Variants in CADM2 observed in about 807,000 individuals in gnomAD.
CADM2 encodes cell adhesion molecule 2, also known as immunoglobulin superfamily member 4D.
CADM2 carries 12 observed loss-of-function variants against 49.8 expected under a neutral mutation model. The ratio of observed to expected loss-of-function variants is 0.24; its 90% CI spans 0.15 to 0.39. The LOEUF (loss-of-function observed/expected upper bound fraction) is 0.39. Among genes scored for constraint, CADM2 ranks in the 10% least tolerant of loss-of-function variants. The pLI is 1.00. For missense variants in CADM2, 378 were observed against 492.3 expected (o/e 0.77, Z 2.20); for synonymous variants, 214 against 175.4 (o/e 1.22, Z -1.74).
At chr3:85,769,588 TA>T (rs1334196555) in intron 2 of CADM2, among the ~76,000 whole-genome samples, 1,959 of 97,632 alleles carry the variant, frequency 0.02, 223 homozygotes, top group African/African-American at 0.038. Context: ...TATACATATA[TA>T]GTATATACAC....
chr3:85,452,394 G>A (rs989165037), intron 1 of CADM2, among the ~76,000 whole-genome samples: 3 of 152,100 alleles, frequency 2.0e-5, no homozygotes, highest in African/African-American at 7.2e-5. Flanking sequence ...AGAGAAAGTA[G>A]AGAAGGAATA....
chr3:85,933,911 C>A (rs1329452320), intron 6 of CADM2, among the ~76,000 whole-genome samples: 1 of 152,008 alleles, frequency 6.6e-6, no homozygotes, highest in East Asian at 1.9e-4. Context: ...TTGGATGAGG[C>A]CCTTTCATAT....
chr3:85,573,165 A>G (rs1019633454), intron 1 of CADM2, among the ~76,000 whole-genome samples: 2 of 32,312 alleles, frequency 6.2e-5, no homozygotes, highest in Non-Finnish European at 1.6e-4. Flanking sequence ...TATTTTATTT[A>G]TTTATTTATT....
intron 3 of CADM2, among the ~76,000 whole-genome samples, chr3:85,844,040 G>A (rs929402931): frequency 4.6e-5 from 7 of 152,066 alleles, no homozygotes; most frequent in African/African-American, 1.4e-4. Flanking sequence ...CTTCATAGCC[G>A]CATCTCATCT....
chr3:86,071,791 G>A lies in CADM2; in HGVS notation c.*5008G>A, dbSNP rs1703292134. The A allele has an allele frequency of 6.6e-6, 1 of 151,764 alleles. No individual in the cohort carries two copies. Among genetic ancestry groups the A allele is most frequent in the South Asian group, 2.1e-4 (1 of 4,826 alleles). The allele number at this position is 151,764 out of a possible 1,614,324, so 9.4% of individuals were successfully genotyped here. On this transcript the variant is annotated 3_prime_UTR_variant, in exon 10 of 10. Transcript: ENST00000383699. ...AAGGCAAAATATTATAACTTTATAA[G>A]AATAGTCCTTCTCCTGCCTATTTAA...
At position 84,969,491 on chromosome 3, in the gene CADM2, C is replaced by T. The variant is rs369382317; in HGVS notation, c.61+9823C>T. On this transcript the variant is annotated intron_variant, in intron 1 of 9. Transcript: ENST00000383699. ...TTATTATTATAGTATTTTGACTAAT[C>T]GAATGTCTGGTCTATCTTTTTTTTT... 9.6e-5 allele frequency among the ~76,000 whole-genome samples: 14 copies of T among 146,248 alleles called. No individual in the cohort carries two copies. The East Asian group carries it at 1.9e-3, about 20-fold the overall frequency.
chr3:85,583,874 T>C (rs928278079), intron 1 of CADM2, among the ~76,000 whole-genome samples: 2 of 152,032 alleles, frequency 1.3e-5, no homozygotes, highest in African/African-American at 4.8e-5. Context: ...TTATGAAATA[T>C]TGCAATTTTG....
At chr3:85,009,701 A>G (rs778101638) in intron 1 of CADM2, among the ~76,000 whole-genome samples, 50 of 152,048 alleles carry the variant, frequency 3.3e-4, no homozygotes, top group Admixed American at 1.4e-3. Context: ...CCCCGTTTCT[A>G]CTAAAATAGA....
chr3:85,630,624 A>G (rs2064279541), intron 1 of CADM2, among the ~76,000 whole-genome samples: 1 of 152,128 alleles, frequency 6.6e-6, no homozygotes. Flanking sequence ...AATAATTCTT[A>G]TACAGTCCCA....
At chr3:84,961,653 G>A (rs2030534719) in intron 1 of CADM2, among the ~76,000 whole-genome samples, 1 of 152,060 alleles carries the variant, frequency 6.6e-6, no homozygotes, top group Non-Finnish European at 1.5e-5. Context: ...CGCGCGCGCC[G>A]GCGTGTGCCG....
intron 8 of CADM2, among the ~76,000 whole-genome samples, chr3:86,051,969 A>G (rs571681672): frequency 1.7e-4 from 26 of 152,110 alleles, no homozygotes; most frequent in African/African-American, 6.0e-4. Flanking sequence ...GTGACTTTCA[A>G]AAAAAAACTT....
intron 3 of CADM2, among the ~76,000 whole-genome samples, chr3:85,802,598 AT>A (rs1313633239): frequency 2.6e-5 from 4 of 152,098 alleles, no homozygotes; most frequent in African/African-American, 9.7e-5. Context: ...GAAAAGTTTA[AT>A]GATTTTATTT....
At chr3:85,850,594 C>G (rs1240576857) in intron 3 of CADM2, among the ~76,000 whole-genome samples, 3 of 152,048 alleles carry the variant, frequency 2.0e-5, no homozygotes, top group Non-Finnish European at 4.4e-5. Context: ...TCCCAAAGTG[C>G]TGGGATTACA....
chr3:85,877,678 T>C (rs552010321), intron 3 of CADM2, among the ~76,000 whole-genome samples: 223 of 143,738 alleles, frequency 1.6e-3, no homozygotes, highest in African/African-American at 5.2e-3. Flanking sequence ...ACATTTTTTT[T>C]CTTCTGTTTT....
intron 1 of CADM2, among the ~76,000 whole-genome samples, chr3:85,515,336 C>CT (rs1156853578): frequency 1.3e-5 from 2 of 151,596 alleles, no homozygotes; most frequent in African/African-American, 4.8e-5. Context: ...ATAACACCAT[C>CT]TTTTTTTGAT....
intron 1 of CADM2, among the ~76,000 whole-genome samples, chr3:85,343,069 T>C (rs577637839): frequency 4.6e-5 from 7 of 152,296 alleles, no homozygotes; most frequent in African/African-American, 1.4e-4. Context: ...CTTTTGGCAA[T>C]GTCTGGAAAC....
At chr3:85,189,124 A>G (rs537409092) in intron 1 of CADM2, among the ~76,000 whole-genome samples, 2 of 151,612 alleles carry the variant, frequency 1.3e-5, no homozygotes, top group Non-Finnish European at 2.9e-5. Context: ...TGAAGTTTGC[A>G]TCTGTTGATA....
At chr3:86,009,707 C>T (rs1288423053) in intron 8 of CADM2, among the ~76,000 whole-genome samples, 1 of 151,708 alleles carries the variant, frequency 6.6e-6, no homozygotes, top group Non-Finnish European at 1.5e-5. Context: ...TTTATGGTCA[C>T]ATTAGGATTG....
At chr3:85,014,221 T>C (rs2034144255) in intron 1 of CADM2, among the ~76,000 whole-genome samples, 1 of 149,918 alleles carries the variant, frequency 6.7e-6, no homozygotes, top group African/African-American at 2.4e-5. Flanking sequence ...ATGTATATCA[T>C]ATATACGCAG....
Sources: gnomAD v4.1 joint callset for allele counts (sites outside exome capture counted in the v4.1 genomes callset) on GRCh38, gnomAD v4.1.1 for gene constraint, MANE v1.5 for transcripts, NCBI Gene and HGNC (gene_info 2026-07-23, HGNC 2026-07-21) for gene names.